The following EFHC2 variants were observed in gnomAD, a reference collection of about 807,000 sequenced individuals.
EFHC2 encodes EF-hand domain-containing family member C2.
A neutral mutation model predicts 52.7 loss-of-function variants in EFHC2; 18 were observed. The ratio of observed to expected loss-of-function variants is 0.34; its 90% CI spans 0.24 to 0.51. The LOEUF (loss-of-function observed/expected upper bound fraction) is 0.51, where lower values mean the gene tolerates loss of function less well. EFHC2 is among the 20% of genes least tolerant of loss of function. EFHC2 has a pLI of 0.97. For missense variants in EFHC2, 513 were observed against 562.5 expected, an observed-to-expected ratio of 0.91 and a Z score of 0.89; for synonymous variants, 203 against 204.1, an observed-to-expected ratio of 0.99 and a Z score of 0.04.
intron 2 of EFHC2, among the ~76,000 whole-genome samples, chrX:44,274,481 A>G (rs1178165453): frequency 8.9e-6 from 1 of 112,440 alleles, no homozygotes; most frequent in East Asian, 2.8e-4. Context: ...TGAATTGCAC[A>G]CTTTAAAATG....
intron 7 of EFHC2, among the ~76,000 whole-genome samples, chrX:44,245,977 A>ACG (rs1362626915): frequency 1.8e-5 from 2 of 111,532 alleles, no homozygotes; most frequent in African/African-American, 6.5e-5. Context: ...TGCGTGCTGC[A>ACG]CAGTGGAGAT....
chrX:44,297,986 T>TA (rs1200694380), intron 2 of EFHC2, among the ~76,000 whole-genome samples: 248 of 80,314 alleles, frequency 3.1e-3, no homozygotes, highest in East Asian at 0.014. Context: ...AAAATAAAAT[T>TA]AAAAAAAAAA....
chrX:44,169,960 G>A (rs755024647), intron 13 of EFHC2, among the ~76,000 whole-genome samples: 7 of 112,050 alleles, frequency 6.2e-5, no homozygotes, highest in Non-Finnish European at 9.4e-5. Flanking sequence ...ATTTTAAATA[G>A]CAGAAGCAGC....
At chrX:44,262,475 TG>T (rs1243157621) in intron 3 of EFHC2, among the ~76,000 whole-genome samples, 1 of 87,592 alleles carries the variant, frequency 1.1e-5, no homozygotes, top group African/African-American at 4.7e-5. Flanking sequence ...ATCACACCAC[TG>T]TACTCTAGCT....
At chrX:44,211,628 G>A (rs905204826) in intron 11 of EFHC2, among the ~76,000 whole-genome samples, 23 of 110,610 alleles carry the variant, frequency 2.1e-4, no homozygotes, top group African/African-American at 6.9e-4. Context: ...TTGGGAGGCC[G>A]AGGCGGGCAG....
rs139529127 is a variant in EFHC2, at chrX:44,270,379, A to C, written c.382+2307T>G. Among the ~76,000 whole-genome samples the C allele has an allele frequency of 8.0e-4, 89 of 111,476 alleles. No individual in the cohort carries two copies. The East Asian group carries it at 0.016, about 20-fold the overall frequency. On this transcript the variant is annotated intron_variant, in intron 3 of 14. Transcript: ENST00000420999. ...TTATTCTCAGAGCCCATGGCCCTCA[A>C]ATCCCTGCTTCTCCCCCTTGAACTC...
chrX:44,252,991 G>A (rs982109280), intron 4 of EFHC2, among the ~76,000 whole-genome samples: 2 of 111,199 alleles, frequency 1.8e-5, no homozygotes, highest in Non-Finnish European at 3.8e-5. Context: ...GCGAGCTGAA[G>A]CAGGGTGGGG....
At chrX:44,207,332 T>C (rs2037056000) in intron 11 of EFHC2, among the ~76,000 whole-genome samples, 1 of 111,178 alleles carries the variant, frequency 9.0e-6, no homozygotes, top group African/African-American at 3.3e-5. Context: ...GCCAACATGG[T>C]GAAACTCCGT....
At chrX:44,184,588 T>G (rs1005692323) in intron 11 of EFHC2, among the ~76,000 whole-genome samples, 10 of 110,910 alleles carry the variant, frequency 9.0e-5, no homozygotes, top group South Asian at 7.7e-4. Context: ...TCGGGCATGG[T>G]GGCGCACGCC....
intron 14 of EFHC2, among the ~76,000 whole-genome samples, chrX:44,153,330 A>G (rs2036583862): frequency 1.8e-5 from 2 of 111,673 alleles, no homozygotes; most frequent in Admixed American, 1.9e-4. Flanking sequence ...TTTAAACCCC[A>G]TGGCTCTCAC....
At chrX:44,343,405 TAA>T in intron 1 of EFHC2, 140 bp downstream of exon 1, 1 of 632,249 alleles carries the variant, frequency 1.6e-6, no homozygotes, top group Non-Finnish European at 2.5e-6. Context: ...AAGCAGCCTA[TAA>T]AGTTTGGTCC....
intron 11 of EFHC2, among the ~76,000 whole-genome samples, chrX:44,219,754 C>A (rs1293502860): frequency 1.8e-5 from 2 of 111,250 alleles, no homozygotes; most frequent in South Asian, 3.8e-4. Context: ...ATATTGTGGC[C>A]CCTAAAATAA....
chrX:44,243,397 A>G (rs2037374984), intron 7 of EFHC2, among the ~76,000 whole-genome samples: 1 of 112,461 alleles, frequency 8.9e-6, no homozygotes. Flanking sequence ...AAGTTCCCAT[A>G]GAGGAAGAGT....
chrX:44,178,169 A>ACACACACACACACAC (rs3037408), intron 12 of EFHC2, among the ~76,000 whole-genome samples, 198 bp downstream of exon 12: 18 of 107,410 alleles, frequency 1.7e-4, no homozygotes, highest in South Asian at 4.1e-4. Flanking sequence ...ACACACACAC[A>ACACACACACACACAC]AGCTCTCCAT....
chrX:44,190,768 C>T (rs774100876), intron 11 of EFHC2, among the ~76,000 whole-genome samples: 1 of 110,675 alleles, frequency 9.0e-6, no homozygotes, highest in South Asian at 3.9e-4. Context: ...TCCATGTCTG[C>T]GTGGGTTTTC....
chrX:44,187,113 T>C (rs1225591263), intron 11 of EFHC2, among the ~76,000 whole-genome samples: 2 of 62,756 alleles, frequency 3.2e-5, no homozygotes, highest in South Asian at 6.3e-4. Context: ...AACAAGACCA[T>C]GTCTCAAAGG....
At chrX:44,210,559 A>G (rs2037087751) in intron 11 of EFHC2, among the ~76,000 whole-genome samples, 1 of 112,575 alleles carries the variant, frequency 8.9e-6, no homozygotes, top group African/African-American at 3.2e-5. Flanking sequence ...CAACAAGGCA[A>G]TTCAGTGGAG....
intron 3 of EFHC2, among the ~76,000 whole-genome samples, chrX:44,262,512 C>CAAAAA (rs749239313): frequency 6.8e-3 from 184 of 27,061 alleles, no homozygotes; most frequent in Non-Finnish European, 9.4e-3. Context: ...AGCCCTGTCT[C>CAAAAA]AAAAAAAAAA....
chrX:44,312,588 A>G lies in EFHC2; in HGVS notation c.211T>C (p.Trp71Arg). Residue 71 changes from tryptophan (W) to arginine (R), a missense_variant, in exon 2 of 15, where the codon TGG (tryptophan) becomes CGG (arginine). Coordinates refer to ENST00000420999, the MANE Select transcript of EFHC2 (RefSeq NM_025184.4). The stretch of plus-strand genomic sequence containing the variant: ...CTTACCTGTTTATCAAAGGCTACCC[A>G]TGATGGTACATCACTTCCATCTCCT... ...PKGDGSDVPS[W>R]VAFDKQVLSF... is the part of the protein sequence containing the mutation. 8.3e-7 allele frequency: 1 copy of G among 1,203,785 alleles called. No homozygotes were observed. Among genetic ancestry groups the G allele is most frequent in the Non-Finnish European group, 1.1e-6 (1 of 892,056 alleles).
Sources: gnomAD v4.1 joint callset for allele counts (sites outside exome capture counted in the v4.1 genomes callset) on GRCh38, gnomAD v4.1.1 for gene constraint, MANE v1.5 for transcripts, NCBI Gene and HGNC (gene_info 2026-07-23, HGNC 2026-07-21) for gene names.